PCDHA7: variants seen among roughly 807,000 people sequenced by gnomAD.
The protein encoded by PCDHA7 is protocadherin alpha 7.
In PCDHA7, 37 loss-of-function variants were observed where a neutral mutation model predicts 57.2. The observed-to-expected ratio is 0.65, with a 90% CI of 0.50 to 0.85. The LOEUF (loss-of-function observed/expected upper bound fraction) is 0.85, where lower values mean the gene tolerates loss of function less well. Among genes scored for constraint, PCDHA7 ranks in the 40% least tolerant of loss-of-function variants. The pLI, the probability that PCDHA7 is intolerant of heterozygous loss-of-function variation, is 0.00. For missense variants in PCDHA7, 1,188 were observed against 1,241.8 expected, an observed-to-expected ratio of 0.96 and a Z score of 0.65; for synonymous variants, 553 against 558.8, an observed-to-expected ratio of 0.99 and a Z score of 0.15.
intron 1 of PCDHA7, among the ~76,000 whole-genome samples, chr5:140,889,446 TTAATC>T (rs1274795213): frequency 7.2e-5 from 11 of 152,204 alleles, no homozygotes; most frequent in African/African-American, 2.4e-4. Flanking sequence ...ATTTTCCTGT[TTAATC>T]TAAATTTTCA....
chr5:140,965,830 A>G (rs2095939833), intron 1 of PCDHA7, among the ~76,000 whole-genome samples: 1 of 152,208 alleles, frequency 6.6e-6, no homozygotes, highest in African/African-American at 2.4e-5. Flanking sequence ...ACATTTAAAT[A>G]TTGGTTATTT....
chr5:140,954,978 A>C (rs1268797182), intron 1 of PCDHA7, among the ~76,000 whole-genome samples: 2 of 152,176 alleles, frequency 1.3e-5, no homozygotes, highest in African/African-American at 4.8e-5. Context: ...GTCCAGTTTC[A>C]ATTTTCTGCA....
At chr5:140,849,996 G>A (rs2150462323) in intron 1 of PCDHA7, 4 of 1,597,014 alleles carry the variant, frequency 2.5e-6, no homozygotes, top group African/African-American at 2.7e-5. Flanking sequence ...GCGGTTGGGC[G>A]AGCGCTCGCT....
chr5:141,000,485 T>C (rs2097941579), intron 3 of PCDHA7, among the ~76,000 whole-genome samples: 2 of 135,980 alleles, frequency 1.5e-5, no homozygotes, highest in African/African-American at 5.5e-5. Flanking sequence ...TGGAGTGCAA[T>C]GGTAAGATCT....
intron 1 of PCDHA7, chr5:140,882,543 G>A: frequency 6.2e-7 from 1 of 1,614,236 alleles, no homozygotes; most frequent in Non-Finnish European, 8.5e-7. Context: ...CGGATCGACC[G>A]CGAGGAGCTG....
In PCDHA7 at chr5:140,884,156, G is replaced by C. The variant is rs1554181298; in HGVS notation, c.2355+47418G>C. 1 of 1,613,448 alleles carries C rather than the reference G, an allele frequency of 6.2e-7. No homozygotes were observed. Among genetic ancestry groups the C allele is most frequent in the Admixed American group, 1.7e-5 (1 of 60,012 alleles). On this transcript the variant is annotated intron_variant, in intron 1 of 3. Transcript: ENST00000525929. ...GTTCCGCGTGGGGCTGTACACTGGC[G>C]AGATCAGCACGACGCGCCCTCTGGA...
intron 1 of PCDHA7, among the ~76,000 whole-genome samples, chr5:140,895,002 A>C (rs1003440406): frequency 6.6e-6 from 1 of 152,030 alleles, no homozygotes; most frequent in Non-Finnish European, 1.5e-5. Flanking sequence ...TACCCTTTTT[A>C]CTTGGACCTT....
chr5:140,883,887 C>G (rs782749190), intron 1 of PCDHA7: 1 of 1,613,348 alleles, frequency 6.2e-7, no homozygotes, highest in South Asian at 1.1e-5. Flanking sequence ...GCGCGCGACT[C>G]TGGCGTGCCG....
chr5:140,943,737 C>T (rs551964655), intron 1 of PCDHA7, among the ~76,000 whole-genome samples: 12 of 152,258 alleles, frequency 7.9e-5, no homozygotes, highest in African/African-American at 2.9e-4. Context: ...TGAAAGTCCA[C>T]AGTCTAAAAG....
At chr5:140,876,768 G>A (rs2056572417) in intron 1 of PCDHA7, 3 of 1,614,212 alleles carry the variant, frequency 1.9e-6, no homozygotes, top group Non-Finnish European at 2.5e-6. Flanking sequence ...ATGGGGGCTC[G>A]CCTTCGCTGT....
rs1411970319 is a variant in PCDHA7, at chr5:140,927,470, G to A, written c.2356-51479G>A. The A allele has an allele frequency of 4.3e-6, 7 of 1,614,054 alleles. 1 individual carries two copies. The highest frequency in any genetic ancestry group is 3.3e-5 in the South Asian group (3 of 91,088). ...TTGGTGTTGGAGAAAGCACTGGATC[G>A]CGAACAGCGCGCCACCCACCTGCTG... On this transcript the variant is annotated intron_variant, in intron 1 of 3. Transcript: ENST00000525929.
At position 141,003,197 on chromosome 5, in the gene PCDHA7, C is replaced by T. The variant is rs77453404; in HGVS notation, c.2504-6430C>T. 6.7e-3 allele frequency among the ~76,000 whole-genome samples: 1,024 copies of T among 152,320 alleles called. 13 individuals are homozygous for T. Among genetic ancestry groups the T allele is most frequent in the African/African-American group, 0.024 (986 of 41,560 alleles). On this transcript the variant is annotated intron_variant, in intron 3 of 3. Transcript: ENST00000525929. ...GGCTCAACTCCATCAACTCAGGCAGCCAGGGTTAGTTTAGCATGAAAGAGG... is the reference window on the plus strand; with the variant it reads ...GGCTCAACTCCATCAACTCAGGCAGTCAGGGTTAGTTTAGCATGAAAGAGG...
At chr5:140,849,552 A>C (rs2150440271) in intron 1 of PCDHA7, 1 of 1,598,478 alleles carries the variant, frequency 6.3e-7, no homozygotes, top group South Asian at 1.1e-5. Context: ...GTTGACTATC[A>C]AAACGCTCTC....
chr5:140,959,622 A>T (rs1489618654), intron 1 of PCDHA7, among the ~76,000 whole-genome samples: 1 of 152,194 alleles, frequency 6.6e-6, no homozygotes, highest in Admixed American at 6.5e-5. Flanking sequence ...TTGTGATAGA[A>T]AAAAAGAGAG....
rs2041387990 is a variant in PCDHA7, at chr5:140,850,164, G to T, written c.2355+13426G>T. On this transcript the variant is annotated intron_variant, in intron 1 of 3. Transcript: ENST00000525929. ...CGTGACGCTGCAGGTGTTCGTGCTGGACGAGAACGACAATGCGCCGGCGCT... is the reference window on the plus strand; with the variant it reads ...CGTGACGCTGCAGGTGTTCGTGCTGTACGAGAACGACAATGCGCCGGCGCT... 7 of 1,594,758 alleles carry T rather than the reference G, an allele frequency of 4.4e-6. 1 individual carries two copies. Among genetic ancestry groups the T allele is most frequent in the Non-Finnish European group, 6.0e-6 (7 of 1,167,800 alleles).
Position 140,836,217 on chromosome 5 carries a change from CA to C in PCDHA7, c.1836del (p.Gln612HisfsTer26). ...CAACGCGTGGCTTTCGTATGAGTTG[CA>C]ACCGGTGGCGGCCGGTGCGAGCATC... ...GYNAWLSYEL[Q>X]PVAAGASIPF... On this transcript the variant is annotated frameshift_variant, in exon 1 of 4. Transcript: ENST00000525929. LOFTEE classifies it high-confidence loss of function. The C allele has an allele frequency of 6.2e-7, 1 of 1,613,820 alleles. No individual in the cohort carries two copies. Among genetic ancestry groups the C allele is most frequent in the Non-Finnish European group, 8.5e-7 (1 of 1,179,814 alleles).
At chr5:140,862,678 C>T (rs1490436756) in intron 1 of PCDHA7, 1 of 550,784 alleles carries the variant, frequency 1.8e-6, no homozygotes, top group Non-Finnish European at 3.6e-6. Context: ...GGAGAACGTG[C>T]TGGTGTCCTA....
At chr5:140,877,207 G>T in intron 1 of PCDHA7, 1 of 1,613,796 alleles carries the variant, frequency 6.2e-7, no homozygotes, top group Non-Finnish European at 8.5e-7. Flanking sequence ...CGCAGTTAGC[G>T]AGTTGGTACC....
intron 1 of PCDHA7, chr5:140,868,693 T>C (rs1284176343): frequency 5.7e-6 from 1 of 176,810 alleles, no homozygotes; most frequent in African/African-American, 2.4e-5. Flanking sequence ...TAATGTTAAG[T>C]CAAACATAGA....
Sources: allele counts gnomAD v4.1 joint callset (sites outside exome capture counted in the v4.1 genomes callset), GRCh38; gene constraint gnomAD v4.1.1; transcripts MANE v1.5; gene names NCBI Gene and HGNC (gene_info 2026-07-23, HGNC 2026-07-21).